Variants in ZBTB2 observed in about 807,000 individuals in gnomAD.
ZBTB2 encodes zinc finger and BTB domain-containing protein 2.
A neutral mutation model predicts 39.5 loss-of-function variants in ZBTB2; 2 were observed. The observed-to-expected ratio is 0.05, with a 90% CI of 0.02 to 0.16. ZBTB2 has a LOEUF of 0.16. Ranked by LOEUF, ZBTB2 falls within the 10% of genes least tolerant of loss-of-function variation. The pLI is 1.00. For synonymous variants in ZBTB2, 251 were observed against 256.6 expected (o/e 0.98, Z 0.21); for missense variants, 391 against 653.0 (o/e 0.60, Z 4.37).
In ZBTB2 at chr6:151,366,655, A is replaced by G. The variant is rs750195546; in HGVS notation, c.411T>C (p.Ile137=). ...PLASSLYGIQ[I]ADHQLRQATK... ...TGGCTTGTCTCAACTGATGATCTGCAATCTGAATGCCATACAATGAAGAAG... is the reference window on the plus strand; with the variant it reads ...TGGCTTGTCTCAACTGATGATCTGCGATCTGAATGCCATACAATGAAGAAG... Residue 137 remains isoleucine, a synonymous_variant, in exon 3 of 3, where the codon ATT becomes ATC. Transcript: ENST00000325144. The surrounding 1 kb of genome is among the most constrained non-coding windows in gnomAD (Gnocchi z 7.1). The G allele has an allele frequency of 1.2e-6, 2 of 1,614,112 alleles. No homozygotes were observed. Among genetic ancestry groups the G allele is most frequent in the Non-Finnish European group, 1.7e-6 (2 of 1,180,022 alleles).
rs912873696 is a variant in ZBTB2, at chr6:151,385,074, T to C, written c.-13+6346A>G. 2.0e-5 allele frequency among the ~76,000 whole-genome samples: 3 copies of C among 152,276 alleles called. 1 individual carries two copies. The highest frequency in any genetic ancestry group is 6.5e-5 in the Admixed American group (1 of 15,298). ...CCCAACTAAATAAAAAACAAGTCAT[T>C]TGTCTTTTCTAAATTAGAATAGTGA... is the stretch of plus-strand genomic sequence containing the variant. On this transcript the variant is annotated intron_variant, in intron 1 of 2. Transcript: ENST00000325144.
Position 151,374,271 on chromosome 6 carries a change from G to A in ZBTB2, c.-12-622C>T, listed in dbSNP as rs572232272. 1.1e-4 allele frequency among the ~76,000 whole-genome samples: 17 copies of A among 152,276 alleles called. No individual in the cohort carries two copies. The South Asian group carries it at 3.5e-3, about 32-fold the overall frequency. On this transcript the variant is annotated intron_variant, in intron 1 of 2. Transcript: ENST00000325144. ...ATCACCCCTGACCCTTAACACTTAC[G>A]GAGGAAGTGGGGTTGGAGCTCTGCT...
chr6:151,372,665 A>G (rs909670791), intron 2 of ZBTB2, among the ~76,000 whole-genome samples: 2 of 152,306 alleles, frequency 1.3e-5, no homozygotes, highest in Admixed American at 6.5e-5. Context: ...AGCTGTTTTA[A>G]GATAGAAAAG....
At chr6:151,390,528 C>T (rs1779268221) in intron 1 of ZBTB2, among the ~76,000 whole-genome samples, 2 of 149,850 alleles carry the variant, frequency 1.3e-5, no homozygotes, top group African/African-American at 4.9e-5. Context: ...GGCGCAACAG[C>T]CCCGGCGCCG....
Position 151,366,600 on chromosome 6 carries a change from C to A in ZBTB2, c.466G>T (p.Gly156Trp), listed in dbSNP as rs755267853. Residue 156 changes from glycine (G) to tryptophan (W), a missense_variant, in exon 3 of 3, where the codon GGG (glycine) becomes TGG (tryptophan). Around this residue, in one of 7 missense-constraint regions of ZBTB2, gnomAD observed 175 missense variants for 198.6 expected, o/e 0.88. Transcript: ENST00000325144. This position sits in a 1 kb window ranked among gnomAD's most constrained non-coding sequence, Gnocchi z 7.1. ...GAGGTCTGTGGCCGTGGATCTCGCC[C>A]GAGTTTTTCAGGTGCTGAAGCAATC... ...TKIASAPEKL[G>W]RDPRPQTSRI... 6.2e-7 allele frequency: 1 copy of A among 1,613,832 alleles called. No individual in the cohort carries two copies. Among genetic ancestry groups the A allele is most frequent in the African/African-American group, 1.3e-5 (1 of 74,828 alleles).
chr6:151,391,169 A>AGCC (rs1403330070), intron 1 of ZBTB2, among the ~76,000 whole-genome samples: 15 of 149,486 alleles, frequency 1.0e-4, no homozygotes, highest in African/African-American at 3.7e-4. Context: ...CGCCAGGCGC[A>AGCC]GCCGCCGCCG....
At chr6:151,378,311 T>C (rs1778960447) in intron 1 of ZBTB2, among the ~76,000 whole-genome samples, 1 of 151,816 alleles carries the variant, frequency 6.6e-6, no homozygotes, top group South Asian at 2.1e-4. Context: ...AAGCACGAGA[T>C]AGGAGAGTCA....
intron 1 of ZBTB2, among the ~76,000 whole-genome samples, chr6:151,385,953 T>C (rs1779141223): frequency 6.6e-6 from 1 of 152,208 alleles, no homozygotes; most frequent in Non-Finnish European, 1.5e-5. Context: ...TCTTCCATAG[T>C]AATTAGAAAA....
intron 2 of ZBTB2, among the ~76,000 whole-genome samples, chr6:151,368,322 T>C (rs532230036): frequency 2.3e-4 from 35 of 152,234 alleles, no homozygotes; most frequent in African/African-American, 8.2e-4. Context: ...AATTTCTTTT[T>C]GTATTTTTAG....
In ZBTB2 at chr6:151,391,457, G is replaced by A. The variant is rs1037393988; in HGVS notation, c.-50C>T. The A allele has an allele frequency of 6.6e-6, 1 of 152,266 alleles. No homozygotes were observed. The highest frequency in any genetic ancestry group is 2.4e-5 in the African/African-American group (1 of 41,288). The allele number at this position is 152,266 out of a possible 1,614,324, so 9.4% of individuals were successfully genotyped here. A position where few individuals can be genotyped will look rare whatever the true frequency, so the allele number is the denominator to read the frequency against. Reference sequence around the variant, plus strand: ...CTGCTGCGGCGGGGGGTGTGGAGGAGGCGCCTCTGGGCAGCCTCGGCCGTG... The same window carrying A: ...CTGCTGCGGCGGGGGGTGTGGAGGAAGCGCCTCTGGGCAGCCTCGGCCGTG... On this transcript the variant is annotated 5_prime_UTR_variant, in exon 1 of 3. Coordinates refer to ENST00000325144, the MANE Select transcript of ZBTB2 (RefSeq NM_020861.3).
chr6:151,364,541 C>T lies in ZBTB2; in HGVS notation c.*980G>A, dbSNP rs1326179400. The T allele has an allele frequency of 6.6e-6, 1 of 152,234 alleles. No individual in the cohort carries two copies. The highest frequency in any genetic ancestry group is 1.5e-5 in the Non-Finnish European group (1 of 68,040). The allele number at this position is 152,234 out of a possible 1,614,324, so 9.4% of individuals were successfully genotyped here. On this transcript the variant is annotated 3_prime_UTR_variant, in exon 3 of 3. Transcript: ENST00000325144. Reference sequence around the variant, plus strand: ...CCAGTAAACTATCAGCATTGACTTTCAGTCATTGAAGTTACTACATCTTCT... The same window carrying T: ...CCAGTAAACTATCAGCATTGACTTTTAGTCATTGAAGTTACTACATCTTCT...
intron 1 of ZBTB2, among the ~76,000 whole-genome samples, chr6:151,381,076 T>C (rs1779024968): frequency 6.6e-6 from 1 of 152,024 alleles, no homozygotes; most frequent in South Asian, 2.1e-4. Context: ...AGCCCCCAAT[T>C]GCCATTAATT....
chr6:151,391,067 C>T (rs1490806481), intron 1 of ZBTB2, among the ~76,000 whole-genome samples: 2 of 149,512 alleles, frequency 1.3e-5, no homozygotes, highest in African/African-American at 2.5e-5. Flanking sequence ...CTTCCGTCCC[C>T]TCCCCCTCCC....
At chr6:151,386,926 A>C (rs370972348) in intron 1 of ZBTB2, among the ~76,000 whole-genome samples, 58 of 152,340 alleles carry the variant, frequency 3.8e-4, no homozygotes, top group South Asian at 3.5e-3. Context: ...ATTTTTATGA[A>C]AAAATAATTG....
chr6:151,367,162 C>T (rs1778668894), intron 2 of ZBTB2, among the ~76,000 whole-genome samples: 1 of 151,724 alleles, frequency 6.6e-6, no homozygotes, highest in Non-Finnish European at 1.5e-5. Context: ...ACTCTGTCAC[C>T]CAGGCTGGAA....
At chr6:151,373,719 A>G (rs1230495292) in intron 1 of ZBTB2, 70 bp from the exon 2 acceptor site, 3 of 1,425,246 alleles carry the variant, frequency 2.1e-6, no homozygotes, top group Non-Finnish European at 1.9e-6. Flanking sequence ...ATAGTCACCA[A>G]CAGTCATGAT....
chr6:151,369,356 A>C (rs1778726783), intron 2 of ZBTB2, among the ~76,000 whole-genome samples: 1 of 151,482 alleles, frequency 6.6e-6, no homozygotes, highest in African/African-American at 2.4e-5. Context: ...TTGATTAAAA[A>C]CAATTTTTTT....
In ZBTB2 at chr6:151,373,052, G is replaced by A. The variant is rs1239915564; in HGVS notation, c.173+413C>T. 6.0e-5 allele frequency among the ~76,000 whole-genome samples: 9 copies of A among 150,528 alleles called. No homozygotes were observed. In the East Asian group the frequency reaches 1.6e-3, roughly 27 times the overall value. ...TGCCTGTAGTCCCAGCTACTCGGGA[G>A]GCTGAAGCAGGAGAATGGCGTGAAC... On this transcript the variant is annotated intron_variant, in intron 2 of 2. Transcript: ENST00000325144.
At position 151,388,051 on chromosome 6, in the gene ZBTB2, C is replaced by CTTA. The variant is rs950915680; in HGVS notation, c.-13+3366_-13+3368dup. On this transcript the variant is annotated intron_variant, in intron 1 of 2. Transcript: ENST00000325144. ...TTTTAGAAATATTCTTAGTCTAATG[C>CTTA]TTAGAATGTTTACATTTTTTTTTTT... Among the ~76,000 whole-genome samples, 3 of 149,122 alleles carry CTTA rather than the reference C, an allele frequency of 2.0e-5. No homozygotes were observed. The Admixed American group carries it at 2.0e-4, about 10-fold the overall frequency.
Sources: gnomAD v4.1 joint callset for allele counts (sites outside exome capture counted in the v4.1 genomes callset) on GRCh38, gnomAD v4.1.1 for gene constraint, gnomAD v4.1.1 regional missense constraint, Gnocchi (gnomAD v3.1) non-coding constraint, MANE v1.5 for transcripts, NCBI Gene and HGNC (gene_info 2026-07-23, HGNC 2026-07-21) for gene names.